Variants in SRGAP3 observed in about 807,000 individuals in gnomAD.
SRGAP3 encodes the protein SLIT-ROBO Rho GTPase-activating protein 3.
SRGAP3 carries 39 observed loss-of-function variants against 121.1 expected under a neutral mutation model. That is an observed-to-expected ratio of 0.32 (90% CI 0.25 to 0.42). The LOEUF (loss-of-function observed/expected upper bound fraction) is 0.42. Among genes scored for constraint, SRGAP3 ranks in the 10% least tolerant of loss-of-function variants. The pLI, the probability that SRGAP3 is intolerant of heterozygous loss-of-function variation, is 1.00. For synonymous variants in SRGAP3, 601 were observed against 570.0 expected (o/e 1.05, Z -0.77); for missense variants, 1,213 against 1,470.6 (o/e 0.82, Z 2.86).
In SRGAP3 at chr3:9,362,337, T is replaced by C. The variant is rs1316983998; in HGVS notation, n.214+503A>G. 3.3e-5 allele frequency among the ~76,000 whole-genome samples: 5 copies of C among 151,384 alleles called. No individual in the cohort carries two copies. In the East Asian group the frequency reaches 9.7e-4, roughly 29 times the overall value. On this transcript the variant is annotated intron_variant and non_coding_transcript_variant, in intron 1 of 3. Transcript: ENST00000490889. ...GGCCACCACATCCAGCTAACTTTTG[T>C]ATTTTTAGTAGAGATGGAGTTTCAC...
intron 3 of SRGAP3, among the ~76,000 whole-genome samples, chr3:9,302,962 C>T (rs1249542320): frequency 1.4e-4 from 7 of 49,192 alleles, no homozygotes; most frequent in East Asian, 1.6e-3. Flanking sequence ...CTTTTGTCAC[C>T]ACTTTTGAAA....
At chr3:9,094,197 A>C (rs1947875512) in intron 3 of SRGAP3, among the ~76,000 whole-genome samples, 1 of 152,152 alleles carries the variant, frequency 6.6e-6, no homozygotes, top group Non-Finnish European at 1.5e-5. Flanking sequence ...GAACCATATA[A>C]ACTATTCATC....
chr3:9,303,866 A>C (rs1424074994), intron 3 of SRGAP3, among the ~76,000 whole-genome samples: 1 of 152,214 alleles, frequency 6.6e-6, no homozygotes, highest in East Asian at 1.9e-4. Context: ...CTCAGTCAAC[A>C]CACATCTGCC....
intron 12 of SRGAP3, among the ~76,000 whole-genome samples, chr3:9,030,595 C>T (rs1397273175): frequency 6.6e-6 from 1 of 152,190 alleles, no homozygotes; most frequent in African/African-American, 2.4e-5. Context: ...GGCAAACACT[C>T]ATGTGGTTGA....
At chr3:9,185,871 A>C (rs999746744) in intron 1 of SRGAP3, among the ~76,000 whole-genome samples, 4 of 152,180 alleles carry the variant, frequency 2.6e-5, no homozygotes, top group African/African-American at 4.8e-5. Context: ...GAGGAAAGAA[A>C]GATTAGAAAC....
chr3:9,242,619 A>G (rs1438391917), intron 1 of SRGAP3, among the ~76,000 whole-genome samples: 1 of 152,274 alleles, frequency 6.6e-6, no homozygotes. Context: ...TGGAAGACAG[A>G]GCAAGACTCC....
At chr3:9,134,042 A>G (rs189464232) in intron 1 of SRGAP3, among the ~76,000 whole-genome samples, 204 of 152,348 alleles carry the variant, frequency 1.3e-3, no homozygotes, top group Non-Finnish European at 3.7e-4. Flanking sequence ...AAGCCAATGC[A>G]AATCCTGCAC....
chr3:9,242,077 CAA>C (rs142186507), intron 1 of SRGAP3, among the ~76,000 whole-genome samples: 17 of 68,508 alleles, frequency 2.5e-4, no homozygotes, highest in East Asian at 8.6e-4. Context: ...CACCCTAATT[CAA>C]AAAAAAAAAA....
intron 1 of SRGAP3, among the ~76,000 whole-genome samples, chr3:9,162,625 G>A (rs1224430955): frequency 6.6e-6 from 1 of 152,230 alleles, no homozygotes; most frequent in Non-Finnish European, 1.5e-5. Flanking sequence ...ACAGGGAAAA[G>A]GATGACCTGG....
chr3:9,064,612 GC>G, intron 4 of SRGAP3, 31 bp from the exon 5 acceptor site: 1 of 1,613,182 alleles, frequency 6.2e-7, no homozygotes, highest in Non-Finnish European at 8.5e-7. Flanking sequence ...GAAATCAGCA[GC>G]CAGCTATGGC....
rs200139628 is a variant in SRGAP3, at chr3:9,013,415, A to T, written c.2040T>A (p.Asn680Lys). The change falls in exon 17 of 22, where the codon AAT becomes AAA. Residue 680 changes from asparagine (N) to lysine (K), a missense_variant. Around this residue, in one of 2 missense-constraint regions of SRGAP3, gnomAD observed 793 missense variants for 1,032.9 expected, o/e 0.77. Coordinates refer to ENST00000383836, the MANE Select transcript of SRGAP3 (RefSeq NM_014850.4). ...QDPVSCQAHI[N>K]EVIKTIIIHH... ...GGATGATGATGGTTTTGATGACTTC[A>T]TTGATGTGTGCCTGGCAGGACACAG... The T allele has an allele frequency of 6.2e-7, 1 of 1,614,094 alleles. No homozygotes were observed.
Position 9,139,835 on chromosome 3 carries a change from G to A in SRGAP3, c.68-14918C>T, listed in dbSNP as rs114716126. ...ATATAAGATGACCAGAAGAAGGAAG[G>A]ACAATGTGTTGTAGAGGAGTCAGCT... On this transcript the variant is annotated intron_variant, in intron 1 of 21. Transcript: ENST00000383836. 2.4e-3 allele frequency among the ~76,000 whole-genome samples: 369 copies of A among 152,214 alleles called. 1 individual carries two copies. Among genetic ancestry groups the A allele is most frequent in the African/African-American group, 7.3e-3 (305 of 41,508 alleles).
intron 3 of SRGAP3, among the ~76,000 whole-genome samples, chr3:9,085,020 T>C (rs1223308857): frequency 2.0e-5 from 3 of 152,236 alleles, no homozygotes; most frequent in Non-Finnish European, 4.4e-5. Flanking sequence ...GACTGTAAAA[T>C]GAGCACCTTG....
At chr3:9,211,872 C>T (rs1272711448) in intron 1 of SRGAP3, among the ~76,000 whole-genome samples, 3 of 151,898 alleles carry the variant, frequency 2.0e-5, no homozygotes, top group African/African-American at 7.3e-5. Flanking sequence ...GATAAGGTCT[C>T]GCTATGTTGC....
intron 4 of SRGAP3, 96 bp downstream of exon 4, chr3:9,079,928 TG>T: frequency 1.5e-6 from 2 of 1,364,182 alleles, no homozygotes; most frequent in Non-Finnish European, 2.1e-6. Context: ...AAAAAAGGCC[TG>T]GGGTCATTCC....
intron 1 of SRGAP3, among the ~76,000 whole-genome samples, chr3:9,182,525 C>T (rs192802795): frequency 1.7e-4 from 26 of 152,338 alleles, no homozygotes; most frequent in Admixed American, 1.5e-3. Flanking sequence ...TGATTTCAGA[C>T]ATCCACCCTC....
At chr3:9,202,576 G>A (rs1253737377) in intron 1 of SRGAP3, among the ~76,000 whole-genome samples, 2 of 152,198 alleles carry the variant, frequency 1.3e-5, no homozygotes, top group Non-Finnish European at 2.9e-5. Context: ...CCCTGCCAAG[G>A]CACAGACCTC....
chr3:9,062,770 A>G (rs1417065843), intron 5 of SRGAP3, among the ~76,000 whole-genome samples: 1 of 152,232 alleles, frequency 6.6e-6, no homozygotes, highest in Non-Finnish European at 1.5e-5. Flanking sequence ...TCAACCATCC[A>G]TCAGCAGATG....
intron 1 of SRGAP3, among the ~76,000 whole-genome samples, chr3:9,146,874 A>G (rs528302264): frequency 6.6e-6 from 1 of 152,322 alleles, no homozygotes; most frequent in South Asian, 2.1e-4. Context: ...GTTCATGTAC[A>G]CGTGAGATGC....
Sources: allele counts gnomAD v4.1 joint callset (sites outside exome capture counted in the v4.1 genomes callset), GRCh38; gene constraint gnomAD v4.1.1; regional missense constraint gnomAD v4.1.1; transcripts MANE v1.5; gene names NCBI Gene and HGNC (gene_info 2026-07-23, HGNC 2026-07-21).